The following NUP155 variants were observed in gnomAD, a reference collection of about 807,000 sequenced individuals.
NUP155 encodes nucleoporin 155.
A neutral mutation model predicts 180.4 loss-of-function variants in NUP155; 71 were observed. The ratio of observed to expected loss-of-function variants is 0.39; its 90% CI spans 0.33 to 0.48. The LOEUF (loss-of-function observed/expected upper bound fraction) is 0.48. Among genes scored for constraint, NUP155 ranks in the 20% least tolerant of loss-of-function variants. The pLI is 0.91. For missense variants in NUP155, 1,553 were observed against 1,648.9 expected (o/e 0.94, Z 1.01); for synonymous variants, 582 against 559.5 (o/e 1.04, Z -0.57).
Position 37,298,901 on chromosome 5 carries a change from T to C in NUP155, c.3760A>G (p.Ile1254Val). Reference protein sequence around the residue: ...LSLKIVLLGKIYAGTPRFFPL... With the variant: ...LSLKIVLLGKVYAGTPRFFPL... ...AAGAAGCGTGGTGTGCCAGCATAAA[T>C]TTTGCCAAGGAGAACAATCTTGAGA... The change falls in exon 32 of 35, where the codon ATT becomes GTT. Residue 1254 changes from isoleucine (I) to valine (V), a missense_variant. Ile to Val is a conservative substitution (Grantham distance 29). Transcript: ENST00000231498. 6.2e-7 allele frequency: 1 copy of C among 1,612,124 alleles called. No homozygotes were observed. The highest frequency in any genetic ancestry group is 8.5e-7 in the Non-Finnish European group (1 of 1,178,212).
chr5:37,299,217 A>C (rs1742738880), intron 31 of NUP155, among the ~76,000 whole-genome samples: 1 of 152,212 alleles, frequency 6.6e-6, no homozygotes, highest in African/African-American at 2.4e-5. Flanking sequence ...AGCACAAATA[A>C]TATAAATTAA....
intron 1 of NUP155, chr5:37,370,579 T>C (rs1747895428): frequency 8.2e-7 from 1 of 1,216,440 alleles, no homozygotes; most frequent in East Asian, 2.8e-5. Flanking sequence ...TTGAGGTCTT[T>C]GCCTCTTTCT....
At chr5:37,369,798 A>C (rs1286168267) in intron 1 of NUP155, among the ~76,000 whole-genome samples, 1 of 152,180 alleles carries the variant, frequency 6.6e-6, no homozygotes, top group Non-Finnish European at 1.5e-5. Context: ...GCTCACCAAC[A>C]ATCTTTTCTT....
At chr5:37,357,474 T>C (rs1301445433) in intron 4 of NUP155, among the ~76,000 whole-genome samples, 1 of 145,502 alleles carries the variant, frequency 6.9e-6, no homozygotes, top group African/African-American at 2.5e-5. Context: ...TTTCTTAACA[T>C]TAAATTCAGC....
chr5:37,367,905 T>A (rs548762712), intron 1 of NUP155, among the ~76,000 whole-genome samples: 1 of 152,172 alleles, frequency 6.6e-6, no homozygotes, highest in Non-Finnish European at 1.5e-5. Context: ...TGCCTCAGCC[T>A]CCTGAATAAC....
chr5:37,345,823 G>C (rs1291033590), intron 9 of NUP155, among the ~76,000 whole-genome samples: 1 of 149,308 alleles, frequency 6.7e-6, no homozygotes, highest in Non-Finnish European at 1.5e-5. Flanking sequence ...AGCATTGCTT[G>C]AACCCGGCAG....
intron 10 of NUP155, 111 bp from the exon 11 acceptor site, chr5:37,341,353 A>G: frequency 1.1e-6 from 1 of 924,286 alleles, no homozygotes; most frequent in Non-Finnish European, 1.7e-6. Flanking sequence ...AACCATACAT[A>G]ACTTTCCTGA....
chr5:37,346,340 C>T (rs1336272117), intron 9 of NUP155, among the ~76,000 whole-genome samples: 2 of 151,912 alleles, frequency 1.3e-5, no homozygotes, highest in Admixed American at 6.6e-5. Context: ...GGCACAATGA[C>T]AATAGAAGTT....
In NUP155 at chr5:37,329,219, C is replaced by A; in HGVS notation, c.1784G>T (p.Gly595Val). ...PTTLPPPSNVGPILGSPVYSS... is the reference protein window; with the variant it reads ...PTTLPPPSNVVPILGSPVYSS... ...ATAGACAGGAGACCCCAAGATGGGA[C>A]CAACATTACTTGGAGGCGGAAGAGT... The change falls in exon 16 of 35, where the codon GGT becomes GTT. Residue 595 changes from glycine to valine, a missense_variant. Transcript: ENST00000231498. The A allele has an allele frequency of 6.2e-7, 1 of 1,613,808 alleles. No homozygotes were observed. Among genetic ancestry groups the A allele is most frequent in the Admixed American group, 1.7e-5 (1 of 60,004 alleles).
rs534596244 is a variant in NUP155 at position 37,367,986 on chromosome 5, G to A, written c.157+2835C>T. 5.9e-5 allele frequency among the ~76,000 whole-genome samples: 9 copies of A among 152,214 alleles called. No individual in the cohort carries two copies. In the South Asian group the frequency reaches 1.5e-3, roughly 25 times the overall value. ...TTTAGTAGAGACGGGGTTTTACCAC[G>A]TTGGTCAGGCTGGTCTTGAACTCCT... On this transcript the variant is annotated intron_variant, in intron 1 of 34. Transcript: ENST00000231498.
chr5:37,316,868 A>C (rs531847856), intron 21 of NUP155, among the ~76,000 whole-genome samples: 1 of 150,378 alleles, frequency 6.6e-6, no homozygotes, highest in South Asian at 2.2e-4. Flanking sequence ...TACACTTAAA[A>C]ACAGTAAAAA....
At chr5:37,321,507 A>G (rs1744242272) in intron 20 of NUP155, among the ~76,000 whole-genome samples, 3 of 152,116 alleles carry the variant, frequency 2.0e-5, no homozygotes, top group Non-Finnish European at 4.4e-5. Context: ...GCACGAAGTC[A>G]AGAGATCGAG....
At position 37,330,103 on chromosome 5, in the gene NUP155, A is replaced by C. The variant is rs373000659; in HGVS notation, c.1659T>G (p.Ile553Met). Residue 553 changes from isoleucine (I) to methionine (M), a missense_variant, in exon 15 of 35, where the codon ATT becomes ATG. Ile to Met is a conservative substitution (Grantham distance 10). Coordinates refer to ENST00000231498, the MANE Select transcript of NUP155 (RefSeq NM_153485.3). ...CACAGGCAGCAGTGGAGCAAGCAAG[A>C]ATAAGGCAAGTTGCACAAGCCTGGT... ...QEDQACATCLILACSTAACDR... is the reference protein window; with the variant it reads ...QEDQACATCLMLACSTAACDR... 4.3e-5 allele frequency: 69 copies of C among 1,613,428 alleles called. No homozygotes were observed. In the African/African-American group the frequency reaches 7.7e-4, roughly 18 times the overall value.
chr5:37,327,249 A>G (rs1744660631), intron 18 of NUP155: 2 of 278,692 alleles, frequency 7.2e-6, no homozygotes, highest in South Asian at 7.7e-5. Flanking sequence ...AACATACAAA[A>G]CGTGTTAATT....
Position 37,299,481 on chromosome 5 carries a change from C to T in NUP155, c.3649G>A (p.Val1217Met). 6.2e-7 allele frequency: 1 copy of T among 1,614,028 alleles called. No homozygotes were observed. The highest frequency in any genetic ancestry group is 8.5e-7 in the Non-Finnish European group (1 of 1,179,986). Reference protein sequence around the residue: ...HCAGYSDPILVQTLWQDIIEK... With the variant: ...HCAGYSDPILMQTLWQDIIEK... ...ATGATATCTTGCCAAAGTGTCTGCA[C>T]CAATATAGGGTCTGAATAACCGGCA... The change falls in exon 31 of 35, where the codon GTG (valine) becomes ATG (methionine). Residue 1217 changes from valine (V) to methionine (M), a missense_variant. Transcript: ENST00000231498.
intron 21 of NUP155, among the ~76,000 whole-genome samples, chr5:37,316,788 T>A (rs1224663357): frequency 1.3e-5 from 2 of 151,506 alleles, no homozygotes; most frequent in African/African-American, 4.9e-5. Context: ...TTGGGGAAGA[T>A]GACAAAAGTT....
At chr5:37,327,154 G>A (rs1744652552) in intron 18 of NUP155, 1 of 182,648 alleles carries the variant, frequency 5.5e-6, no homozygotes, top group African/African-American at 2.4e-5. Flanking sequence ...GGCTGTTTTA[G>A]AATTTGTCTA....
At chr5:37,323,595 TC>T (rs1377594751) in intron 20 of NUP155, among the ~76,000 whole-genome samples, 17 of 149,224 alleles carry the variant, frequency 1.1e-4, no homozygotes, top group Non-Finnish European at 1.9e-4. Flanking sequence ...CTATAAATAT[TC>T]CATTTATATA....
In NUP155 at chr5:37,349,194, C is replaced by T. The variant is rs201036380; in HGVS notation, c.881G>A (p.Arg294Gln). 40 of 749,952 alleles carry T rather than the reference C, an allele frequency of 5.3e-5. No individual in the cohort carries two copies. In the Middle Eastern group the frequency reaches 9.4e-4, roughly 18 times the overall value. 46.5% of individuals were successfully genotyped at this position (749,952 alleles called of 1,614,324 possible). ...AACCTGTATTACTCCTTTCTCAGAT[C>T]GTGTATATAAAATATTTCTAGAATT... is the stretch of plus-strand genomic sequence containing the variant. ...IDNSRNILYT[R>Q]SEKGVIQVYD... The change falls in exon 8 of 35, where the codon CGA becomes CAA. Residue 294 changes from arginine (R) to glutamine (Q), a missense_variant. By Grantham distance (43) the Arg-to-Gln change is conservative. Transcript: ENST00000231498.
Sources: gnomAD v4.1 joint callset for allele counts (sites outside exome capture counted in the v4.1 genomes callset) on GRCh38, gnomAD v4.1.1 for gene constraint, MANE v1.5 for transcripts, NCBI Gene and HGNC (gene_info 2026-07-23, HGNC 2026-07-21) for gene names.